Variants in BTNL8 observed in about 807,000 individuals in gnomAD.
The protein encoded by BTNL8 is butyrophilin like 8.
Under a neutral mutation model 36.1 loss-of-function variants are expected in BTNL8, and 22 were observed. The ratio of observed to expected loss-of-function variants is 0.61; its 90% CI spans 0.44 to 0.87. The LOEUF is 0.87. BTNL8 is among the 40% of genes least tolerant of loss of function. BTNL8 has a pLI of 0.00. For synonymous variants in BTNL8, 203 were observed against 235.6 expected (o/e 0.86, Z 1.27); for missense variants, 526 against 616.9 (o/e 0.85, Z 1.56).
chr5:180,902,551 T>G (rs1255031163), intron 1 of BTNL8, among the ~76,000 whole-genome samples: 2 of 151,690 alleles, frequency 1.3e-5, no homozygotes, highest in Non-Finnish European at 2.9e-5. Context: ...ATACTTTAAG[T>G]TTTAGGGTAC....
rs953366627 is a variant in BTNL8, at chr5:180,948,633, G to A, written c.808+258G>A. ...TGTTGCCCGTTGGTTTGCTGTGTGT[G>A]TGGTGGGGGAAGGTGTTGATCATGA... On this transcript the variant is annotated intron_variant, in intron 5 of 7. Transcript: ENST00000340184. 424 of 982,762 alleles carry A rather than the reference G, an allele frequency of 4.3e-4. 29 individuals carry two copies. The highest frequency in any genetic ancestry group is 5.6e-4 in the Non-Finnish European group (385 of 684,556). 60.9% of individuals were successfully genotyped at this position (982,762 alleles called of 1,614,324 possible).
chr5:180,928,526 G>A (rs915713755), intron 3 of BTNL8, among the ~76,000 whole-genome samples: 1 of 152,152 alleles, frequency 6.6e-6, no homozygotes, highest in Non-Finnish European at 1.5e-5. Flanking sequence ...TGGCAAATTT[G>A]ATAACGGGTC....
At chr5:180,927,319 T>C (rs1464361641) in intron 3 of BTNL8, among the ~76,000 whole-genome samples, 1 of 152,050 alleles carries the variant, frequency 6.6e-6, no homozygotes, top group Non-Finnish European at 1.5e-5. Context: ...GAAACCCCAT[T>C]CGAAGGTCAC....
intron 3 of BTNL8, among the ~76,000 whole-genome samples, chr5:180,923,483 CT>C (rs1757962004): frequency 6.6e-6 from 1 of 151,884 alleles, no homozygotes; most frequent in Non-Finnish European, 1.5e-5. Context: ...AAAAGAAAAC[CT>C]TTTATGAATT....
Position 180,950,101 on chromosome 5 carries a change from C to T in BTNL8, c.1060C>T (p.Arg354Cys), listed in dbSNP as rs544101054. The change falls in exon 8 of 8, where the codon CGC (arginine) becomes TGC (cysteine). Residue 354 changes from arginine to cysteine, a missense_variant. Transcript: ENST00000340184. Reference sequence around the variant, plus strand: ...GGACGGAGGACACAATAAAAGGTGGCGCGTGGGAGTGTGCCGGGATGATGT... The same window carrying T: ...GGACGGAGGACACAATAAAAGGTGGTGCGTGGGAGTGTGCCGGGATGATGT... ...EVDGGHNKRW[R>C]VGVCRDDVDR... 290 of 1,462,538 alleles carry T rather than the reference C, an allele frequency of 2.0e-4. 43 individuals are homozygous for T. The South Asian group carries it at 3.0e-3, about 15-fold the overall frequency. The allele number at this position is 1,462,538 out of a possible 1,614,324, so 90.6% of individuals were successfully genotyped here. A position where few individuals can be genotyped will look rare whatever the true frequency, so the allele number is the denominator to read the frequency against.
chr5:180,922,533 C>T (rs145187418), intron 3 of BTNL8, among the ~76,000 whole-genome samples: 9,022 of 148,888 alleles, frequency 0.061, 322 homozygotes, highest in South Asian at 0.1. Context: ...GATCTGTAAT[C>T]GTATTGAGCT....
intron 3 of BTNL8, among the ~76,000 whole-genome samples, chr5:180,926,005 C>CA (rs34730455): frequency 3.9e-5 from 6 of 152,030 alleles, no homozygotes; most frequent in Non-Finnish European, 8.8e-5. Flanking sequence ...AACCACAACA[C>CA]AAAAAAACCA....
In BTNL8 at chr5:180,950,200, T is replaced by A. The variant is rs1479119938; in HGVS notation, c.1159T>A (p.Leu387Met). 4.8e-6 allele frequency: 7 copies of A among 1,463,192 alleles called. 2 individuals carry two copies. Among genetic ancestry groups the A allele is most frequent in the Non-Finnish European group, 6.6e-6 (7 of 1,058,916 alleles). 90.6% of individuals were successfully genotyped at this position (1,463,192 alleles called of 1,614,324 possible). Residue 387 changes from leucine (L) to methionine (M), a missense_variant, in exon 8 of 8, where the codon TTG (leucine) becomes ATG (methionine). Leu to Met is a conservative substitution (Grantham distance 15). Coordinates refer to ENST00000340184, the MANE Select transcript of BTNL8 (RefSeq NM_001040462.3). ...YWVLRLNGEH[L>M]YFTLNPRFIS... ...GGTCCTCAGACTGAATGGAGAACAT[T>A]TGTATTTCACATTAAATCCCCGTTT... is the stretch of plus-strand genomic sequence containing the variant.
At chr5:180,941,983 T>C (rs963858412) in intron 3 of BTNL8, among the ~76,000 whole-genome samples, 4 of 150,000 alleles carry the variant, frequency 2.7e-5, no homozygotes, top group African/African-American at 7.4e-5. Flanking sequence ...GGCATCTAAA[T>C]TGGAAAGGAG....
intron 2 of BTNL8, 55 bp from the exon 3 acceptor site, chr5:180,911,284 G>A (rs1757378931): frequency 1.9e-6 from 3 of 1,592,174 alleles, no homozygotes; most frequent in South Asian, 2.3e-5. Context: ...ACTCAGAATT[G>A]CTGTGGCTTT....
intron 1 of BTNL8, among the ~76,000 whole-genome samples, chr5:180,907,991 C>T (rs1228062761): frequency 6.6e-6 from 1 of 152,106 alleles, no homozygotes; most frequent in Non-Finnish European, 1.5e-5. Context: ...TGCCCTGCCC[C>T]CAGAGGTGGA....
At position 180,908,834 on chromosome 5, in the gene BTNL8, A is replaced by AGGC. The variant is rs1352022403; in HGVS notation, c.299_301dup (p.Arg100dup). ...TATTGCGGAGGGGCGCATCTCTCTG[A>AGGC]GGCTGGAAAACATTACTGTGTTGGA... On this transcript the variant is annotated inframe_insertion, in exon 2 of 8. Transcript: ENST00000340184. The AGGC allele has an allele frequency of 6.2e-7, 1 of 1,614,176 alleles. No individual in the cohort carries two copies. The highest frequency in any genetic ancestry group is 1.7e-5 in the Admixed American group (1 of 60,012).
chr5:180,901,950 G>T (rs1756839620), intron 1 of BTNL8, among the ~76,000 whole-genome samples: 1 of 152,124 alleles, frequency 6.6e-6, no homozygotes. Context: ...TCAGAACTTG[G>T]CAGAACAAGC....
At chr5:180,945,049 A>G (rs1485626073) in intron 3 of BTNL8, among the ~76,000 whole-genome samples, 1 of 152,262 alleles carries the variant, frequency 6.6e-6, no homozygotes, top group African/African-American at 2.4e-5. Flanking sequence ...AGTTAGAGTC[A>G]CAATACTCTG....
chr5:180,942,534 C>T (rs1759036557), intron 3 of BTNL8, among the ~76,000 whole-genome samples: 1 of 152,120 alleles, frequency 6.6e-6, no homozygotes, highest in Non-Finnish European at 1.5e-5. Flanking sequence ...TATGGAGCTT[C>T]AAAATACACT....
At chr5:180,902,396 T>C (rs950485400) in intron 1 of BTNL8, 1 of 1,550,718 alleles carries the variant, frequency 6.4e-7, no homozygotes, top group Non-Finnish European at 8.7e-7. Context: ...GTTTGTCAAA[T>C]GTAAGGAGAT....
At chr5:180,917,905 T>A (rs562701634) in intron 3 of BTNL8, among the ~76,000 whole-genome samples, 1 of 151,694 alleles carries the variant, frequency 6.6e-6, no homozygotes, top group Non-Finnish European at 1.5e-5. Flanking sequence ...GGCGGGTGTG[T>A]GTAGTCCCAG....
intron 3 of BTNL8, among the ~76,000 whole-genome samples, chr5:180,945,258 T>C (rs1353521487): frequency 6.6e-6 from 1 of 152,140 alleles, no homozygotes; most frequent in Non-Finnish European, 1.5e-5. Flanking sequence ...CAAGTGGATA[T>C]CCACATGCAC....
chr5:180,927,910 C>T (rs556372642), intron 3 of BTNL8, among the ~76,000 whole-genome samples: 1 of 152,104 alleles, frequency 6.6e-6, no homozygotes, highest in Non-Finnish European at 1.5e-5. Flanking sequence ...AAAAGATTCT[C>T]CAGGATACTA....
Sources: allele counts gnomAD v4.1 joint callset (sites outside exome capture counted in the v4.1 genomes callset), GRCh38; gene constraint gnomAD v4.1.1; transcripts MANE v1.5; gene names NCBI Gene and HGNC (gene_info 2026-07-23, HGNC 2026-07-21).